HMGCLL1: variants seen among roughly 807,000 people sequenced by gnomAD.
The protein encoded by HMGCLL1 is 3-hydroxy-3-methylglutaryl-CoA lyase like 1, also known as 3-hydroxymethyl-3-methylglutaryl-CoA lyase, cytoplasmic.
In HMGCLL1, 36 loss-of-function variants were observed where a neutral mutation model predicts 39.1. That is an observed-to-expected ratio of 0.92 (90% CI 0.71 to 1.22). The LOEUF is 1.22. Ranked by LOEUF, HMGCLL1 falls within the 50% of genes most tolerant of loss-of-function variation. The probability of loss-of-function intolerance (pLI) is 0.00; values close to 1 mark genes in which losing one functional copy is unlikely to be tolerated. For missense variants in HMGCLL1, 451 were observed against 416.5 expected, an observed-to-expected ratio of 1.08 and a Z score of -0.72; for synonymous variants, 149 against 144.0, an observed-to-expected ratio of 1.03 and a Z score of -0.25.
At chr6:55,641,735 G>A in the HMGCLL1 span, among the ~76,000 whole-genome samples, 12 of 151,700 alleles carry the variant, frequency 7.9e-5, no homozygotes, top group African/African-American at 2.2e-4. Context: ...CAAAAATATC[G>A]TTTTGTAAAA....
chr6:55,465,898 A>G lies in HMGCLL1; in HGVS notation c.796-26339T>C, dbSNP rs192220121. On this transcript the variant is annotated intron_variant, in intron 7 of 8. Transcript: ENST00000274901. Reference sequence around the variant, plus strand: ...TCCATGAGGATTTTTTTTCTTTTTTATATTTCCATGTATATTCATCTATGC... The same window carrying G: ...TCCATGAGGATTTTTTTTCTTTTTTGTATTTCCATGTATATTCATCTATGC... 1.7e-3 allele frequency among the ~76,000 whole-genome samples: 260 copies of G among 151,860 alleles called. 4 individuals carry two copies. The highest frequency in any genetic ancestry group is 4.2e-3 in the South Asian group (20 of 4,818).
chr6:55,513,847 T>G, intron 5 of HMGCLL1: 1 of 535,846 alleles, frequency 1.9e-6, no homozygotes, highest in Non-Finnish European at 3.2e-6. Context: ...GCATGACACA[T>G]TCCACAAGCT....
chr6:55,657,603 T>A, the HMGCLL1 span, among the ~76,000 whole-genome samples: 6 of 151,764 alleles, frequency 4.0e-5, no homozygotes, highest in Non-Finnish European at 8.8e-5. Flanking sequence ...ATAGTATAGT[T>A]TGAAGTCATG....
intron 7 of HMGCLL1, among the ~76,000 whole-genome samples, chr6:55,469,113 C>A (rs1295926101): frequency 6.7e-6 from 1 of 149,042 alleles, no homozygotes; most frequent in Admixed American, 6.8e-5. Flanking sequence ...AATATTAATG[C>A]TGCAAGAGGA....
Position 55,567,391 on chromosome 6 carries a change from T to TAC in HMGCLL1, c.108+11555_108+11556dup, listed in dbSNP as rs368257678. ...GATAATAGTTATAGTTTTATAGGTA[T>TAC]ACACACACACACACAACTAAATGAA... On this transcript the variant is annotated intron_variant, in intron 1 of 8. Coordinates refer to ENST00000274901, the MANE Select transcript of HMGCLL1 (RefSeq NM_001042406.2). 3.4e-4 allele frequency among the ~76,000 whole-genome samples: 51 copies of TAC among 151,442 alleles called. No individual in the cohort carries two copies. The Middle Eastern group carries it at 0.014, about 41-fold the overall frequency.
chr6:55,577,359 AT>A (rs1327637178), intron 1 of HMGCLL1, among the ~76,000 whole-genome samples: 6 of 148,990 alleles, frequency 4.0e-5, no homozygotes, highest in Non-Finnish European at 6.0e-5. Context: ...AAAAAAAAAA[AT>A]TTAAAATCTG....
the HMGCLL1 span, among the ~76,000 whole-genome samples, chr6:55,629,026 C>G: frequency 6.6e-6 from 1 of 152,088 alleles, no homozygotes; most frequent in Non-Finnish European, 1.5e-5. Flanking sequence ...TAGTGGGACA[C>G]TGCTGTAAAT....
the HMGCLL1 span, among the ~76,000 whole-genome samples, chr6:55,649,308 G>T: frequency 1.3e-5 from 2 of 151,674 alleles, no homozygotes; most frequent in Non-Finnish European, 2.9e-5. Context: ...CATCTCAGAA[G>T]GTCTTTATTT....
chr6:55,451,426 C>T (rs2127388988), intron 7 of HMGCLL1, among the ~76,000 whole-genome samples: 1 of 152,190 alleles, frequency 6.6e-6, no homozygotes, highest in East Asian at 1.9e-4. Flanking sequence ...AGTTCAAGAC[C>T]AGCCTGGCCA....
At chr6:55,458,433 C>G (rs9475301) in intron 7 of HMGCLL1, among the ~76,000 whole-genome samples, 10,017 of 152,190 alleles carry the variant, frequency 0.066, 397 homozygotes, top group African/African-American at 0.11. Flanking sequence ...AAAAATCACT[C>G]TCCCAAAAGT....
At chr6:55,491,123 C>A (rs1297437710) in intron 7 of HMGCLL1, among the ~76,000 whole-genome samples, 1 of 152,094 alleles carries the variant, frequency 6.6e-6, no homozygotes, top group Non-Finnish European at 1.5e-5. Flanking sequence ...ATTACATCAT[C>A]CATTCTTACA....
chr6:55,627,637 A>T, the HMGCLL1 span, among the ~76,000 whole-genome samples: 2 of 150,826 alleles, frequency 1.3e-5, no homozygotes, highest in Admixed American at 1.3e-4. Context: ...TCCACCCTTA[A>T]TCTTGTGGGC....
chr6:55,631,438 A>G, the HMGCLL1 span, among the ~76,000 whole-genome samples: 19 of 152,046 alleles, frequency 1.2e-4, no homozygotes, highest in African/African-American at 4.6e-4. Context: ...TTTCCCCAGA[A>G]TGAAAAATAA....
the HMGCLL1 span, among the ~76,000 whole-genome samples, chr6:55,669,173 T>A: frequency 6.6e-6 from 1 of 151,260 alleles, no homozygotes; most frequent in Non-Finnish European, 1.5e-5. Flanking sequence ...AACCTGAACA[T>A]GCCTGGATCT....
chr6:55,533,754 C>G (rs532600973), intron 3 of HMGCLL1, among the ~76,000 whole-genome samples: 1 of 149,204 alleles, frequency 6.7e-6, no homozygotes. Flanking sequence ...GGCGTGGTAG[C>G]GGGCGCCTGT....
chr6:55,456,474 T>A (rs1290128737), intron 7 of HMGCLL1, among the ~76,000 whole-genome samples: 5 of 152,210 alleles, frequency 3.3e-5, no homozygotes, highest in Non-Finnish European at 5.9e-5. Flanking sequence ...GACAGATTAA[T>A]GTCCAAGGAA....
chr6:55,469,778 C>G (rs1194642806), intron 7 of HMGCLL1, among the ~76,000 whole-genome samples: 1 of 151,826 alleles, frequency 6.6e-6, no homozygotes, highest in Non-Finnish European at 1.5e-5. Context: ...GCATATTCAT[C>G]TTTTGGCACA....
chr6:55,592,140 A>C, the HMGCLL1 span, among the ~76,000 whole-genome samples: 2 of 152,022 alleles, frequency 1.3e-5, no homozygotes, highest in Non-Finnish European at 2.9e-5. Context: ...GAGATGGGAC[A>C]ACAGGCCTAA....
intron 7 of HMGCLL1, among the ~76,000 whole-genome samples, chr6:55,441,399 G>A (rs1183530014): frequency 6.6e-6 from 1 of 152,102 alleles, no homozygotes; most frequent in African/African-American, 2.4e-5. Flanking sequence ...GTGGGCTTAG[G>A]AGAAGTTTTA....
Sources: gnomAD v4.1 joint callset for allele counts (sites outside exome capture counted in the v4.1 genomes callset) on GRCh38, gnomAD v4.1.1 for gene constraint, MANE v1.5 for transcripts, NCBI Gene and HGNC (gene_info 2026-07-23, HGNC 2026-07-21) for gene names.